SUGCT: variants seen among roughly 807,000 people sequenced by gnomAD.
The protein encoded by SUGCT is succinyl-CoA:glutarate-CoA transferase.
SUGCT carries 41 observed loss-of-function variants against 55.0 expected under a neutral mutation model. The observed-to-expected ratio is 0.74, with a 90% CI of 0.58 to 0.97. The LOEUF (loss-of-function observed/expected upper bound fraction) is 0.97. SUGCT is among the 50% of genes least tolerant of loss of function. SUGCT has a pLI of 0.00. For missense variants in SUGCT, 568 were observed against 547.8 expected (o/e 1.04, Z -0.37); for synonymous variants, 187 against 200.4 (o/e 0.93, Z 0.56).
intron 11 of SUGCT, among the ~76,000 whole-genome samples, chr7:40,468,317 T>C (rs991826530): frequency 6.6e-6 from 1 of 152,140 alleles, no homozygotes; most frequent in Non-Finnish European, 1.5e-5. Flanking sequence ...TTCAGTTAAG[T>C]AATATCTGTA....
At chr7:40,517,505 G>A (rs923177666) in intron 12 of SUGCT, among the ~76,000 whole-genome samples, 2 of 151,956 alleles carry the variant, frequency 1.3e-5, no homozygotes, top group African/African-American at 4.8e-5. Flanking sequence ...CCTTTTATCA[G>A]GGTTAGAAGG....
chr7:40,137,782 A>T (rs1248736108), intron 1 of SUGCT, among the ~76,000 whole-genome samples: 1 of 152,056 alleles, frequency 6.6e-6, no homozygotes, highest in Non-Finnish European at 1.5e-5. Flanking sequence ...TCTGGGCTCA[A>T]GCAATCCTTC....
intron 7 of SUGCT, among the ~76,000 whole-genome samples, chr7:40,249,338 T>TATAA (rs1790180327): frequency 7.6e-6 from 1 of 131,672 alleles, no homozygotes; most frequent in Non-Finnish European, 1.6e-5. Flanking sequence ...TATATATATA[T>TATAA]ATATATATAA....
At chr7:40,662,919 C>T (rs561931398) in intron 12 of SUGCT, among the ~76,000 whole-genome samples, 1 of 152,220 alleles carries the variant, frequency 6.6e-6, no homozygotes, top group South Asian at 2.1e-4. Context: ...ACGGAGCTTC[C>T]CTCAGAGTGG....
At chr7:40,204,883 C>G (rs1181241261) in intron 6 of SUGCT, among the ~76,000 whole-genome samples, 1 of 151,974 alleles carries the variant, frequency 6.6e-6, no homozygotes, top group Admixed American at 6.6e-5. Context: ...GCAGTGAGCT[C>G]TGATTGCTGC....
At chr7:40,706,545 G>A (rs1045292227) in intron 12 of SUGCT, among the ~76,000 whole-genome samples, 5 of 152,156 alleles carry the variant, frequency 3.3e-5, no homozygotes, top group Non-Finnish European at 7.4e-5. Flanking sequence ...AAGAGTCTTC[G>A]AATTTGGGAA....
At chr7:40,471,650 G>T (rs1028694589) in intron 11 of SUGCT, among the ~76,000 whole-genome samples, 1 of 152,002 alleles carries the variant, frequency 6.6e-6, no homozygotes, top group Non-Finnish European at 1.5e-5. Context: ...ACCATTTCAA[G>T]AGGATTATCT....
intron 9 of SUGCT, among the ~76,000 whole-genome samples, chr7:40,432,549 G>A (rs190304446): frequency 7.9e-5 from 12 of 152,156 alleles, no homozygotes; most frequent in Admixed American, 7.9e-4. Context: ...AGCTGGGTAT[G>A]GTGGTGGGCA....
At chr7:40,953,249 A>G in the SUGCT span, among the ~76,000 whole-genome samples, 1 of 152,202 alleles carries the variant, frequency 6.6e-6, no homozygotes, top group Non-Finnish European at 1.5e-5. Context: ...CGAATCGGCT[A>G]CTGAAGCTTG....
intron 12 of SUGCT, among the ~76,000 whole-genome samples, chr7:40,572,974 C>T (rs1352241333): frequency 2.0e-5 from 3 of 152,132 alleles, no homozygotes; most frequent in African/African-American, 7.2e-5. Flanking sequence ...GGCTGAGAAA[C>T]CCCGGGACTG....
chr7:40,998,443 G>A, the SUGCT span, among the ~76,000 whole-genome samples: 4 of 152,098 alleles, frequency 2.6e-5, no homozygotes, highest in East Asian at 7.7e-4. Context: ...CCAGAATAAA[G>A]CCAGAGGAAC....
At position 40,548,937 on chromosome 7, in the gene SUGCT, A is replaced by G. The variant is rs115103599; in HGVS notation, c.1089+52551A>G. Among the ~76,000 whole-genome samples the G allele has an allele frequency of 1.7e-3, 258 of 152,352 alleles. 1 individual carries two copies. Among genetic ancestry groups the G allele is most frequent in the African/African-American group, 6.1e-3 (252 of 41,596 alleles). ...TTTTGTATTGAGTTTTTAAGTAAAC[A>G]TGCAATAATTGACTTGAGTGTATTG... is the stretch of plus-strand genomic sequence containing the variant. On this transcript the variant is annotated intron_variant, in intron 12 of 13. Coordinates refer to ENST00000335693, the MANE Select transcript of SUGCT (RefSeq NM_001193313.2).
intron 13 of SUGCT, among the ~76,000 whole-genome samples, chr7:40,810,941 C>T (rs931305732): frequency 1.3e-5 from 2 of 151,988 alleles, no homozygotes; most frequent in African/African-American, 2.4e-5. Context: ...TTTTGTATAT[C>T]GTGAAAGGTA....
At chr7:40,495,785 A>G (rs1474343016) in intron 11 of SUGCT, among the ~76,000 whole-genome samples, 1 of 152,230 alleles carries the variant, frequency 6.6e-6, no homozygotes, top group Non-Finnish European at 1.5e-5. Flanking sequence ...GCTGGTTAGT[A>G]AATCACAGTG....
chr7:40,847,570 C>T (rs1251852971), intron 13 of SUGCT, among the ~76,000 whole-genome samples: 3 of 151,956 alleles, frequency 2.0e-5, no homozygotes, highest in Non-Finnish European at 4.4e-5. Context: ...GCGTGCATCA[C>T]CACGCCTGGC....
chr7:41,003,941 C>T, the SUGCT span, among the ~76,000 whole-genome samples: 8 of 152,276 alleles, frequency 5.3e-5, no homozygotes, highest in Admixed American at 3.3e-4. Context: ...TATGGCTCTA[C>T]GATATTCTGG....
the SUGCT span, among the ~76,000 whole-genome samples, chr7:40,988,506 G>A: frequency 6.6e-6 from 1 of 151,744 alleles, no homozygotes; most frequent in African/African-American, 2.4e-5. Context: ...CCACAAGGAG[G>A]TGTTCAAAAA....
chr7:40,473,639 G>GA (rs971371770), intron 11 of SUGCT, among the ~76,000 whole-genome samples: 4 of 148,184 alleles, frequency 2.7e-5, no homozygotes, highest in South Asian at 2.1e-4. Flanking sequence ...AGGAGGAGCA[G>GA]AAAAAAAAAA....
intron 9 of SUGCT, among the ~76,000 whole-genome samples, chr7:40,393,277 T>C (rs1583585720): frequency 6.6e-6 from 1 of 152,130 alleles, no homozygotes; most frequent in East Asian, 1.9e-4. Flanking sequence ...GTATGTGGTA[T>C]CAGAGAAACA....
Sources: allele counts gnomAD v4.1 joint callset (sites outside exome capture counted in the v4.1 genomes callset), GRCh38; gene constraint gnomAD v4.1.1; transcripts MANE v1.5; gene names NCBI Gene and HGNC (gene_info 2026-07-23, HGNC 2026-07-21).